The following TDRD12 variants were observed in gnomAD, a reference collection of about 807,000 sequenced individuals.
TDRD12 encodes the protein tudor domain containing 12.
Under a neutral mutation model 133.5 loss-of-function variants are expected in TDRD12, and 158 were observed. The observed-to-expected ratio is 1.18, with a 90% CI of 1.04 to 1.35. The LOEUF is 1.35. Among genes scored for constraint, TDRD12 ranks in the 40% most tolerant of loss-of-function variants. The probability of loss-of-function intolerance (pLI) is 0.00; values close to 1 mark genes in which losing one functional copy is unlikely to be tolerated. For synonymous variants in TDRD12, 460 were observed against 477.9 expected, an observed-to-expected ratio of 0.96 and a Z score of 0.49; for missense variants, 1,443 against 1,321.3, an observed-to-expected ratio of 1.09 and a Z score of -1.43.
intron 3 of TDRD12, among the ~76,000 whole-genome samples, chr19:32,740,099 ACT>A (rs1294971039): frequency 1.8e-5 from 1 of 56,416 alleles, no homozygotes; most frequent in Non-Finnish European, 3.3e-5. Context: ...TCTCCTGGGC[ACT>A]CTCTGCATCT....
chr19:32,786,380 G>T (rs1190914432), intron 11 of TDRD12, among the ~76,000 whole-genome samples: 11 of 152,112 alleles, frequency 7.2e-5, no homozygotes, highest in Admixed American at 7.2e-4. Context: ...TTTCAACCTT[G>T]TGAATCTGAC....
At position 32,760,105 on chromosome 19, in the gene TDRD12, C is replaced by T. The variant is rs543590298; in HGVS notation, c.865+2975C>T. ...ATAAAAATACCAGGCACTACATCAT[C>T]GTGTTTAATTATTGCGTGGCTTTCC... On this transcript the variant is annotated intron_variant, in intron 8 of 27. Coordinates refer to ENST00000444215, the Ensembl canonical transcript of TDRD12. Among the ~76,000 whole-genome samples the T allele has an allele frequency of 2.6e-4, 39 of 152,342 alleles. 1 individual carries two copies. The South Asian group carries it at 4.3e-3, about 17-fold the overall frequency.
At chr19:32,774,473 A>T (rs12972113) in intron 10 of TDRD12, among the ~76,000 whole-genome samples, 24,136 of 148,706 alleles carry the variant, frequency 0.16, 1,995 homozygotes, top group East Asian at 0.28. Flanking sequence ...TTTTTTTTTT[A>T]AAAGTATTCA....
intron 27 of TDRD12, 31 bp from the exon 28 acceptor site, chr19:32,821,002 C>G (rs887773237): frequency 6.7e-7 from 1 of 1,491,820 alleles, no homozygotes. Context: ...CTGTAGAGAG[C>G]CAGGTGTTAA....
chr19:32,719,981 G>A (rs1968568228), exon 1 of TDRD12: 1 of 1,470,974 alleles, frequency 6.8e-7, no homozygotes, highest in Admixed American at 2.0e-5. Context: ...CTCGCGGCGG[G>A]GGCCTGGCCG....
chr19:32,756,995 C>A, intron 7 of TDRD12, 43 bp from the exon 8 acceptor site: 1 of 1,494,008 alleles, frequency 6.7e-7, no homozygotes, highest in South Asian at 1.2e-5. Flanking sequence ...TTATTTTGGG[C>A]TTTATTTCAT....
At chr19:32,789,682 G>T (rs1971012024) in intron 11 of TDRD12, among the ~76,000 whole-genome samples, 1 of 152,160 alleles carries the variant, frequency 6.6e-6, no homozygotes, top group Admixed American at 6.6e-5. Context: ...ATAACAGTTG[G>T]ATCTTGTGGC....
chr19:32,747,858 T>G (rs1196498125), intron 4 of TDRD12, among the ~76,000 whole-genome samples: 4 of 151,870 alleles, frequency 2.6e-5, no homozygotes, highest in South Asian at 2.1e-4. Flanking sequence ...AAAAAAAAAT[T>G]TTTTTTAATC....
At chr19:32,757,099 C>T (rs939910500) in exon 8 of TDRD12, 30 of 1,551,670 alleles carry the variant, frequency 1.9e-5, no homozygotes, top group African/African-American at 4.1e-5. Flanking sequence ...AGGGTATTGT[C>T]GGTGACCTCA....
chr19:32,790,837 T>TA lies in TDRD12; in HGVS notation c.1183-125dup, dbSNP rs964489326. 1.3e-4 allele frequency: 192 copies of TA among 1,450,396 alleles called. 3 individuals are homozygous for TA. The highest frequency in any genetic ancestry group is 7.1e-4 in the South Asian group (51 of 71,950). The allele number at this position is 1,450,396 out of a possible 1,614,324, so 89.8% of individuals were successfully genotyped here. A position where few individuals can be genotyped will look rare whatever the true frequency, so the allele number is the denominator to read the frequency against. On this transcript the variant is annotated intron_variant, in intron 12 of 27. Coordinates refer to ENST00000444215, the Ensembl canonical transcript of TDRD12. ...TGGTGGTTTTTTTTTTCTTTTTTTT[T>TA]AAGTAAGCATATATACCCAGGTGTT...
At chr19:32,756,894 T>C in intron 7 of TDRD12, 144 bp from the exon 8 acceptor site, 1 of 616,346 alleles carries the variant, frequency 1.6e-6, no homozygotes, top group South Asian at 2.2e-5. Flanking sequence ...ATCCAGTTTT[T>C]AGTCCCCTCA....
chr19:32,719,966 A>T, exon 1 of TDRD12: 2 of 1,350,692 alleles, frequency 1.5e-6, no homozygotes, highest in African/African-American at 1.4e-5. Flanking sequence ...GAGGGAAGGA[A>T]CGCACTCGCG....
chr19:32,813,864 T>C, intron 25 of TDRD12, 88 bp downstream of exon 25: 1 of 750,898 alleles, frequency 1.3e-6, no homozygotes, highest in Non-Finnish European at 2.2e-6. Context: ...CTTGAATAAC[T>C]GCTGCATAGA....
At chr19:32,776,938 G>T (rs1011955995) in intron 10 of TDRD12, among the ~76,000 whole-genome samples, 1 of 151,980 alleles carries the variant, frequency 6.6e-6, no homozygotes, top group African/African-American at 2.4e-5. Context: ...GCCCAGGCTG[G>T]AGTGCGGTGG....
intron 3 of TDRD12, among the ~76,000 whole-genome samples, 182 bp from the exon 4 acceptor site, chr19:32,742,599 G>A (rs1253823184): frequency 6.6e-6 from 1 of 152,054 alleles, no homozygotes; most frequent in Non-Finnish European, 1.5e-5. Context: ...CTCCCAAGAA[G>A]CAGTTTTTCC....
chr19:32,815,318 T>G (rs1967140378), intron 25 of TDRD12, 130 bp from the exon 26 acceptor site: 1 of 722,014 alleles, frequency 1.4e-6, no homozygotes, highest in African/African-American at 1.8e-5. Flanking sequence ...GCCCTGCACG[T>G]TGTGGCAAGC....
intron 8 of TDRD12, among the ~76,000 whole-genome samples, chr19:32,764,445 C>T (rs964158700): frequency 4.6e-5 from 7 of 152,128 alleles, no homozygotes; most frequent in Non-Finnish European, 5.9e-5. Context: ...TAAGTTGTTC[C>T]AGATTCTCAT....
exon 14 of TDRD12, chr19:32,794,648 T>G (rs1228859660): frequency 1.4e-6 from 1 of 702,714 alleles, no homozygotes; most frequent in Non-Finnish European, 2.6e-6. Flanking sequence ...GAAATAAGTT[T>G]CCGGGCCCCA....
intron 11 of TDRD12, among the ~76,000 whole-genome samples, chr19:32,780,084 C>CTTTTTT (rs11395360): frequency 3.3e-4 from 42 of 127,742 alleles, no homozygotes; most frequent in Admixed American, 3.4e-4. Context: ...TTTTTCTTTT[C>CTTTTTT]TTTTTTTTTT....
Sources: gnomAD v4.1 joint callset for allele counts (sites outside exome capture counted in the v4.1 genomes callset) on GRCh38, gnomAD v4.1.1 for gene constraint, MANE v1.5 for transcripts, NCBI Gene and HGNC (gene_info 2026-07-23, HGNC 2026-07-21) for gene names.